SHANK1: variants seen among roughly 807,000 people sequenced by gnomAD.
The protein encoded by SHANK1 is SH3 and multiple ankyrin repeat domains protein 1.
A neutral mutation model predicts 165.6 loss-of-function variants in SHANK1; 35 were observed. The ratio of observed to expected loss-of-function variants is 0.21; its 90% CI spans 0.16 to 0.28. The LOEUF (loss-of-function observed/expected upper bound fraction) is 0.28. Ranked by LOEUF, SHANK1 falls within the 10% of genes least tolerant of loss-of-function variation. SHANK1 has a pLI of 1.00. For missense variants in SHANK1, 2,681 were observed against 3,036.4 expected (o/e 0.88, Z 2.75); for synonymous variants, 1,428 against 1,384.8 (o/e 1.03, Z -0.69).
Position 50,686,852 on chromosome 19 carries a change from G to A in SHANK1, c.2390-40C>T, listed in dbSNP as rs1313151808. The A allele has an allele frequency of 7.5e-6, 12 of 1,606,340 alleles. No individual in the cohort carries two copies. The South Asian group carries it at 9.9e-5, about 13-fold the overall frequency. ...CACGGATGACGCCCAGGGAGCCCCC[G>A]GGGGCGGGGCGGAGCGGGCTCGGCC... On this transcript the variant is annotated intron_variant, in intron 19 of 23. Transcript: ENST00000293441. The surrounding 1 kb of genome is among the most constrained non-coding windows in gnomAD (Gnocchi z 5.7).
At chr19:50,698,135 A>C (rs1324347868) in intron 12 of SHANK1, among the ~76,000 whole-genome samples, 179 bp from the exon 13 acceptor site, 1 of 152,180 alleles carries the variant, frequency 6.6e-6, no homozygotes, top group East Asian at 1.9e-4. Context: ...TCACTCTTGC[A>C]TTCTAGTTTC....
Position 50,714,201 on chromosome 19 carries a change from G to A in SHANK1, c.621C>T (p.Tyr207=), listed in dbSNP as rs2089042683. 2 of 1,614,098 alleles carry A rather than the reference G, an allele frequency of 1.2e-6. No homozygotes were observed. The highest frequency in any genetic ancestry group is 4.5e-5 in the East Asian group (2 of 44,884). ...RLLDKGLDPN[Y]HDSDSGETPL... ...CCCTACCTCCCGAATCCGAGTCATG[G>A]TAATTGGGGTCCAGCCCCTTGTCCA... The change falls in exon 5 of 24, where the codon TAC becomes TAT. Residue 207 remains tyrosine (Y), a synonymous_variant. Coordinates refer to ENST00000293441, the MANE Select transcript of SHANK1 (RefSeq NM_016148.5).
Position 50,716,262 on chromosome 19 carries a change from G to A in SHANK1, c.459+13C>T. The A allele has an allele frequency of 6.2e-7, 1 of 1,611,222 alleles. No individual in the cohort carries two copies. Among genetic ancestry groups the A allele is most frequent in the Non-Finnish European group, 8.5e-7 (1 of 1,177,578 alleles). On this transcript the variant is annotated intron_variant, in intron 3 of 23. Transcript: ENST00000293441. The surrounding 1 kb of genome is among the most constrained non-coding windows in gnomAD (Gnocchi z 8.4). The stretch of plus-strand genomic sequence containing the variant: ...GCCTTCTCTTATCAGTGAAGGAGTT[G>A]GGGAAGCTTCACCTCCAGGTAGGGG...
chr19:50,684,191 C>G (rs1986260724), intron 21 of SHANK1, among the ~76,000 whole-genome samples: 1 of 151,078 alleles, frequency 6.6e-6, no homozygotes, highest in Non-Finnish European at 1.5e-5. Context: ...AGGTAAGAGC[C>G]CAGGGGAGGT....
rs181401485 is a variant in SHANK1 at position 50,702,969 on chromosome 19, G to T, written c.1554-309C>A. 4.6e-5 allele frequency among the ~76,000 whole-genome samples: 7 copies of T among 152,154 alleles called. No homozygotes were observed. The highest frequency in any genetic ancestry group is 2.1e-4 in the South Asian group (1 of 4,812). On this transcript the variant is annotated intron_variant, in intron 11 of 23. Transcript: ENST00000293441. The surrounding 1 kb of genome is among the most constrained non-coding windows in gnomAD (Gnocchi z 5.3). Reference sequence around the variant, plus strand: ...TCATCCCTCCGCTCACGAGCCTTCCGCGACTCCCAGCTTCCTCCTGGGTCA... The same window carrying T: ...TCATCCCTCCGCTCACGAGCCTTCCTCGACTCCCAGCTTCCTCCTGGGTCA...
chr19:50,669,281 C>T lies in SHANK1; in HGVS notation c.2679G>A (p.Ala893=), dbSNP rs750717520. The change falls in exon 23 of 24, where the codon GCG becomes GCA. Residue 893 remains alanine (A), a synonymous_variant. Coordinates refer to ENST00000293441, the MANE Select transcript of SHANK1 (RefSeq NM_016148.5). ...GLMLRQKSIG[A]AEDDRPYLAP... ...CTAGGTAAGGTCTGTCATCTTCTGC[C>T]GCACCTGGGGAGATACAGAGGCTCA... 5.0e-6 allele frequency: 8 copies of T among 1,607,218 alleles called. No individual in the cohort carries two copies. The highest frequency in any genetic ancestry group is 4.4e-5 in the South Asian group (4 of 90,164).
chr19:50,663,274 A>G, intron 23 of SHANK1: 1 of 118,116 alleles, frequency 8.5e-6, no homozygotes, highest in Non-Finnish European at 1.7e-5. Flanking sequence ...TGGAAGGGAC[A>G]GGGGACACAG....
chr19:50,662,675 C>T lies in SHANK1; in HGVS notation c.5776G>A (p.Asp1926Asn), dbSNP rs374230001. Residue 1926 changes from aspartate (D) to asparagine (N), a missense_variant, in exon 24 of 24, where the codon GAC becomes AAC. Physicochemically the swap from Asp to Asn is conservative, Grantham distance 23. Transcript: ENST00000293441. This position sits in a 1 kb window ranked among gnomAD's most constrained non-coding sequence, Gnocchi z 7.7. ...GAGAGGAGTGAGGACTGGGAGTCGTCGGAGAGTCTGGAATGTGACAAGGGG... is the reference window on the plus strand; with the variant it reads ...GAGAGGAGTGAGGACTGGGAGTCGTTGGAGAGTCTGGAATGTGACAAGGGG... ...TSSLQRQRLS[D>N]DSQSSLLSKP... 9.6e-5 allele frequency: 146 copies of T among 1,521,364 alleles called. No individual in the cohort carries two copies. The highest frequency in any genetic ancestry group is 3.1e-4 in the East Asian group (12 of 39,322). The allele number at this position is 1,521,364 out of a possible 1,614,324, so 94.2% of individuals were successfully genotyped here.
chr19:50,693,213 C>A (rs1195067003), intron 15 of SHANK1, among the ~76,000 whole-genome samples: 2 of 141,596 alleles, frequency 1.4e-5, no homozygotes, highest in Admixed American at 7.1e-5. Flanking sequence ...CAAATCCCCA[C>A]CCCCAAATAC....
At chr19:50,709,975 G>C (rs10424472) in intron 8 of SHANK1, among the ~76,000 whole-genome samples, 2 of 152,186 alleles carry the variant, frequency 1.3e-5, no homozygotes, top group Non-Finnish European at 2.9e-5. Context: ...GCCTTCCAGG[G>C]ATGAGCACTT....
Position 50,662,397 on chromosome 19 carries a change from C to T in SHANK1, c.6054G>A (p.Ser2018=), listed in dbSNP as rs374127192. The change falls in exon 24 of 24, where the codon TCG becomes TCA. Residue 2018 remains serine (S), a synonymous_variant. Transcript: ENST00000293441. The surrounding 1 kb of genome is among the most constrained non-coding windows in gnomAD (Gnocchi z 7.7). ...GTCCGGAAGGCAGGATGGGCAGGGA[C>T]GAGGGCCTGGGCGCAGGGCTGACCT... ...EHKVSPAPRP[S]SLPILPSGPL... is the part of the protein sequence containing the mutation. 230 of 1,569,694 alleles carry T rather than the reference C, an allele frequency of 1.5e-4. 2 individuals are homozygous for T. The highest frequency in any genetic ancestry group is 6.6e-4 in the Admixed American group (36 of 54,710).
At position 50,667,547 on chromosome 19, in the gene SHANK1, G is replaced by T; in HGVS notation, c.4413C>A (p.Pro1471=). The T allele has an allele frequency of 6.8e-7, 1 of 1,477,882 alleles. No individual in the cohort carries two copies. Among genetic ancestry groups the T allele is most frequent in the African/African-American group, 1.5e-5 (1 of 68,656 alleles). 91.5% of individuals were successfully genotyped at this position (1,477,882 alleles called of 1,614,324 possible). ...CGGACCTCCAGGGCTTGCTTACTCC[G>T]GGGTGCGGGGCCGGGGGCTCCGTCC... is the stretch of plus-strand genomic sequence containing the variant. The part of the protein sequence containing the change: ...QLGTEPPAPH[P]GVSKPWRSAA... The change falls in exon 23 of 24, where the codon CCC becomes CCA. Residue 1471 remains proline, a synonymous_variant. Coordinates refer to ENST00000293441, the MANE Select transcript of SHANK1 (RefSeq NM_016148.5). This position sits in a 1 kb window ranked among gnomAD's most constrained non-coding sequence, Gnocchi z 5.7.
chr19:50,683,017 G>C (rs1318188377), intron 21 of SHANK1, among the ~76,000 whole-genome samples: 1 of 152,126 alleles, frequency 6.6e-6, no homozygotes, highest in African/African-American at 2.4e-5. Context: ...TTTTAGTAGA[G>C]ATGGGATTTT....
intron 6 of SHANK1, among the ~76,000 whole-genome samples, chr19:50,712,921 C>T (rs1237986961): frequency 6.6e-6 from 1 of 152,100 alleles, no homozygotes; most frequent in African/African-American, 2.4e-5. Flanking sequence ...TGGCTACTGG[C>T]TTGGATAGCG....
rs1202908047 is a variant in SHANK1, at chr19:50,719,729, TCGGG to T, written c.-371_-368del. On this transcript the variant is annotated 5_prime_UTR_variant, in exon 1 of 24. Coordinates refer to ENST00000293441, the MANE Select transcript of SHANK1 (RefSeq NM_016148.5). Reference sequence around the variant, plus strand: ...CGCCTGCTCTTCCTCCTCCTCTTCCTCGGGCCGCCGCCGCCGCCGCCCGCTCCGC... The same window carrying T: ...CGCCTGCTCTTCCTCCTCCTCTTCCTCCGCCGCCGCCGCCGCCCGCTCCGC... Among the ~76,000 whole-genome samples the T allele has an allele frequency of 1.1e-4, 17 of 148,554 alleles. No individual in the cohort carries two copies. Among genetic ancestry groups the T allele is most frequent in the African/African-American group, 4.2e-4 (17 of 40,194 alleles).
intron 7 of SHANK1, among the ~76,000 whole-genome samples, 195 bp from the exon 8 acceptor site, chr19:50,711,682 C>A (rs750830148): frequency 6.6e-6 from 1 of 152,230 alleles, no homozygotes; most frequent in East Asian, 1.9e-4. Context: ...TTCAGTCATT[C>A]CAAGGCCCAG....
At position 50,717,451 on chromosome 19, in the gene SHANK1, G is replaced by T. The variant is rs2089083508; in HGVS notation, c.-43-489C>A. Reference sequence around the variant, plus strand: ...AAGCTGAGGCTGACACTGAGATGTAGTAAGGGGGAGAGGGAGGTGTGGTGA... The same window carrying T: ...AAGCTGAGGCTGACACTGAGATGTATTAAGGGGGAGAGGGAGGTGTGGTGA... On this transcript the variant is annotated intron_variant, in intron 1 of 23. Transcript: ENST00000293441. This position sits in a 1 kb window ranked among gnomAD's most constrained non-coding sequence, Gnocchi z 5.5. Among the ~76,000 whole-genome samples, 1 of 152,228 alleles carries T rather than the reference G, an allele frequency of 6.6e-6. No homozygotes were observed. Among genetic ancestry groups the T allele is most frequent in the Non-Finnish European group, 1.5e-5 (1 of 68,038 alleles).
chr19:50,697,655 C>G lies in SHANK1; in HGVS notation c.1871G>C (p.Ser624Thr), dbSNP rs1354722733. The change falls in exon 14 of 24, where the codon AGT (serine) becomes ACT (threonine). Residue 624 changes from serine to threonine, a missense_variant. Coordinates refer to ENST00000293441, the MANE Select transcript of SHANK1 (RefSeq NM_016148.5). The surrounding 1 kb of genome is among the most constrained non-coding windows in gnomAD (Gnocchi z 4.7). ...CCGGAAGAGTCTCTTTGCCTTGTCA[C>G]TGCGGCTTTCTGCAGGGTGACAACA... Reference protein sequence around the residue: ...RSQESKQESRSDKAKRLFRHY... With the variant: ...RSQESKQESRTDKAKRLFRHY... The G allele has an allele frequency of 6.2e-7, 1 of 1,613,962 alleles. No individual in the cohort carries two copies. Among genetic ancestry groups the G allele is most frequent in the Non-Finnish European group, 8.5e-7 (1 of 1,179,938 alleles).
chr19:50,704,513 T>C lies in SHANK1; in HGVS notation c.1079A>G (p.Glu360Gly). The C allele has an allele frequency of 1.2e-6, 2 of 1,613,988 alleles. No individual in the cohort carries two copies. Among genetic ancestry groups the C allele is most frequent in the Non-Finnish European group, 1.7e-6 (2 of 1,179,914 alleles). ...ATACAGGAGGATCCTGGCACAGGTCTCCTGCGGGTAATGGCCAGTGGCACA... is the reference window on the plus strand; with the variant it reads ...ATACAGGAGGATCCTGGCACAGGTCCCCTGCGGGTAATGGCCAGTGGCACA... ...ALHICALYNKETCARILLYRG... is the reference protein window; with the variant it reads ...ALHICALYNKGTCARILLYRG... The change falls in exon 9 of 24, where the codon GAG becomes GGG. Residue 360 changes from glutamate to glycine, a missense_variant and splice_region_variant. By Grantham distance (98) the Glu-to-Gly change is moderately conservative (BLOSUM62 -2). This residue lies in a region of SHANK1 where 189 missense variants were observed against 440.9 expected (regional missense o/e 0.43). Coordinates refer to ENST00000293441, the MANE Select transcript of SHANK1 (RefSeq NM_016148.5).
Sources: allele counts gnomAD v4.1 joint callset (sites outside exome capture counted in the v4.1 genomes callset), GRCh38; gene constraint gnomAD v4.1.1; regional missense constraint gnomAD v4.1.1; non-coding constraint Gnocchi (gnomAD v3.1); transcripts MANE v1.5; gene names NCBI Gene and HGNC (gene_info 2026-07-23, HGNC 2026-07-21).